Variants in KHDRBS2 observed in about 807,000 individuals in gnomAD.
KHDRBS2 encodes KH RNA binding domain containing, signal transduction associated 2, also known as KH domain-containing, RNA-binding, signal transduction-associated protein 2.
Under a neutral mutation model 44.3 loss-of-function variants are expected in KHDRBS2, and 26 were observed. The observed-to-expected ratio is 0.59, with a 90% CI of 0.43 to 0.81. KHDRBS2 has a LOEUF of 0.81. Ranked by LOEUF, KHDRBS2 falls within the 40% of genes least tolerant of loss-of-function variation. The probability of loss-of-function intolerance (pLI) is 0.00; values close to 1 mark genes in which losing one functional copy is unlikely to be tolerated. For missense variants in KHDRBS2, 476 were observed against 433.1 expected, an observed-to-expected ratio of 1.10 and a Z score of -0.88; for synonymous variants, 194 against 151.1, an observed-to-expected ratio of 1.28 and a Z score of -2.08.
chr6:61,666,910 C>G, the KHDRBS2 span, among the ~76,000 whole-genome samples: 1 of 150,636 alleles, frequency 6.6e-6, no homozygotes, highest in African/African-American at 2.4e-5. Context: ...GCCCAAGTCT[C>G]TGAACTGCTA....
chr6:61,549,795 C>T, the KHDRBS2 span, among the ~76,000 whole-genome samples: 1 of 152,126 alleles, frequency 6.6e-6, no homozygotes, highest in Non-Finnish European at 1.5e-5. Context: ...GTTTTAGTTT[C>T]AACCTAGCAA....
the KHDRBS2 span, among the ~76,000 whole-genome samples, chr6:61,632,196 C>A: frequency 6.6e-6 from 1 of 151,910 alleles, no homozygotes; most frequent in Non-Finnish European, 1.5e-5. Context: ...AACTTGTAGT[C>A]AAAATAAATT....
At chr6:61,552,826 C>T in the KHDRBS2 span, among the ~76,000 whole-genome samples, 3 of 152,174 alleles carry the variant, frequency 2.0e-5, no homozygotes, top group Admixed American at 2.0e-4. Flanking sequence ...GTTGAAACAA[C>T]CTTGCATCCC....
intron 2 of KHDRBS2, among the ~76,000 whole-genome samples, chr6:62,100,145 G>A (rs1238456528): frequency 6.6e-6 from 1 of 152,176 alleles, no homozygotes; most frequent in Non-Finnish European, 1.5e-5. Flanking sequence ...GGCCTTGAGG[G>A]TTTCATGACT....
At chr6:62,204,367 T>C (rs1827587703) in intron 1 of KHDRBS2, among the ~76,000 whole-genome samples, 1 of 152,162 alleles carries the variant, frequency 6.6e-6, no homozygotes. Flanking sequence ...GGAAAGTAGC[T>C]TTATGCAATG....
At chr6:61,908,633 CAAA>C (rs11290284) in intron 4 of KHDRBS2, among the ~76,000 whole-genome samples, 11 of 110,618 alleles carry the variant, frequency 9.9e-5, no homozygotes, top group Admixed American at 3.6e-4. Flanking sequence ...GATTCCGTCT[CAAA>C]AAAAAAAAAA....
At chr6:61,554,557 G>T in the KHDRBS2 span, among the ~76,000 whole-genome samples, 2 of 151,970 alleles carry the variant, frequency 1.3e-5, no homozygotes, top group Admixed American at 6.6e-5. Context: ...TTATCATTTT[G>T]TTAGTGGGTT....
the KHDRBS2 span, among the ~76,000 whole-genome samples, chr6:61,612,114 A>G: frequency 1.2e-4 from 18 of 144,598 alleles, no homozygotes; most frequent in East Asian, 2.8e-3. Flanking sequence ...AAAAATCTTT[A>G]AAATATCCTG....
rs138973560 is a variant in KHDRBS2, at chr6:61,942,165, C to T, written c.483+35901G>A. Among the ~76,000 whole-genome samples the T allele has an allele frequency of 2.3e-3, 356 of 152,090 alleles. 3 individuals are homozygous for T. Among genetic ancestry groups the T allele is most frequent in the African/African-American group, 8.1e-3 (334 of 41,488 alleles). ...GTAGAGACAGAGTCTTGGTATGTTG[C>T]CCAGACATGTCTTGAACTCTTGGCC... On this transcript the variant is annotated intron_variant, in intron 4 of 8. Coordinates refer to ENST00000281156, the MANE Select transcript of KHDRBS2 (RefSeq NM_152688.4).
At chr6:61,555,173 C>T in the KHDRBS2 span, among the ~76,000 whole-genome samples, 1 of 152,062 alleles carries the variant, frequency 6.6e-6, no homozygotes. Flanking sequence ...TTTAAATAAT[C>T]CTATATTATT....
chr6:62,258,241 T>C (rs1837739664), intron 1 of KHDRBS2, among the ~76,000 whole-genome samples: 1 of 151,878 alleles, frequency 6.6e-6, no homozygotes, highest in Non-Finnish European at 1.5e-5. Flanking sequence ...GCTAGATGGG[T>C]TTTTTAAACG....
intron 1 of KHDRBS2, among the ~76,000 whole-genome samples, chr6:62,196,537 G>A (rs1050608812): frequency 1.7e-4 from 26 of 152,024 alleles, no homozygotes; most frequent in African/African-American, 6.0e-4. Context: ...CTCATGTCTT[G>A]GGATTCTTTA....
chr6:61,836,377 T>A (rs1211648080), intron 6 of KHDRBS2, among the ~76,000 whole-genome samples: 1 of 152,022 alleles, frequency 6.6e-6, no homozygotes, highest in African/African-American at 2.4e-5. Flanking sequence ...TTTTTCATTG[T>A]GAAAGATGCA....
In KHDRBS2 at chr6:61,723,161, A is replaced by AAACAAACG. The variant is rs1772974658; in HGVS notation, c.893+9520_893+9521insCGTTTGTT. Among the ~76,000 whole-genome samples, 3 of 151,288 alleles carry AAACAAACG rather than the reference A, an allele frequency of 2.0e-5. No homozygotes were observed. The South Asian group carries it at 6.3e-4, about 32-fold the overall frequency. On this transcript the variant is annotated intron_variant, in intron 7 of 8. Transcript: ENST00000281156. ...GACAAGTGGCCTGACCATAAAAAAC[A>AAACAAACG]AACAAACAAACAAACAAACAGAAAA... is the stretch of plus-strand genomic sequence containing the variant.
At chr6:61,697,331 C>T (rs1768016323) in intron 7 of KHDRBS2, 78 bp from the exon 8 acceptor site, 1 of 864,704 alleles carries the variant, frequency 1.2e-6, no homozygotes, top group African/African-American at 1.7e-5. Flanking sequence ...AATTTGAAGG[C>T]AAAATGTGTG....
chr6:61,931,009 A>C (rs1408548133), intron 4 of KHDRBS2, among the ~76,000 whole-genome samples: 1 of 152,160 alleles, frequency 6.6e-6, no homozygotes, highest in Non-Finnish European at 1.5e-5. Flanking sequence ...TCTTCTGCAT[A>C]TGTAATAAAA....
chr6:62,111,928 G>A (rs1442197485), intron 2 of KHDRBS2, among the ~76,000 whole-genome samples: 2 of 152,058 alleles, frequency 1.3e-5, no homozygotes, highest in Admixed American at 6.6e-5. Context: ...CCCCAATCAT[G>A]AAGTTTCTGA....
At chr6:61,956,601 T>C (rs1767381548) in intron 4 of KHDRBS2, among the ~76,000 whole-genome samples, 1 of 151,998 alleles carries the variant, frequency 6.6e-6, no homozygotes, top group Non-Finnish European at 1.5e-5. Context: ...TCTTCACCTA[T>C]ACACAGAGAA....
chr6:62,195,539 A>T (rs1424737367), intron 1 of KHDRBS2, among the ~76,000 whole-genome samples: 1 of 152,180 alleles, frequency 6.6e-6, no homozygotes, highest in Non-Finnish European at 1.5e-5. Context: ...AAATAAACAC[A>T]TTTGTTATAA....
Sources: gnomAD v4.1 joint callset for allele counts (sites outside exome capture counted in the v4.1 genomes callset) on GRCh38, gnomAD v4.1.1 for gene constraint, MANE v1.5 for transcripts, NCBI Gene and HGNC (gene_info 2026-07-23, HGNC 2026-07-21) for gene names.